EGFLAM: variants seen among roughly 807,000 people sequenced by gnomAD.
The protein encoded by EGFLAM is EGF like, fibronectin type III and laminin G domains.
In EGFLAM, 79 loss-of-function variants were observed where a neutral mutation model predicts 113.1. That is an observed-to-expected ratio of 0.70 (90% CI 0.58 to 0.84). EGFLAM has a LOEUF of 0.84. Among genes scored for constraint, EGFLAM ranks in the 40% least tolerant of loss-of-function variants. The pLI, the probability that EGFLAM is intolerant of heterozygous loss-of-function variation, is 0.00. For missense variants in EGFLAM, 1,265 were observed against 1,291.6 expected, an observed-to-expected ratio of 0.98 and a Z score of 0.32; for synonymous variants, 504 against 487.6, an observed-to-expected ratio of 1.03 and a Z score of -0.44.
chr5:38,277,529 T>G (rs1343851677), intron 1 of EGFLAM, among the ~76,000 whole-genome samples: 1 of 152,164 alleles, frequency 6.6e-6, no homozygotes, highest in East Asian at 1.9e-4. Flanking sequence ...TTCCCTACTC[T>G]TATTAAACAT....
intron 17 of EGFLAM, among the ~76,000 whole-genome samples, chr5:38,447,598 A>G (rs1439730178): frequency 1.3e-5 from 2 of 152,038 alleles, no homozygotes; most frequent in Non-Finnish European, 2.9e-5. Flanking sequence ...TCTACTAAAA[A>G]TACAAAAATT....
chr5:38,418,280 G>A, intron 12 of EGFLAM, 25 bp downstream of exon 12: 3 of 1,612,232 alleles, frequency 1.9e-6, no homozygotes, highest in Non-Finnish European at 2.5e-6. Flanking sequence ...GGTGGGTTGG[G>A]GTACTCTTAT....
intron 18 of EGFLAM, among the ~76,000 whole-genome samples, 177 bp from the exon 19 acceptor site, chr5:38,451,138 T>C (rs530718517): frequency 6.6e-6 from 1 of 152,310 alleles, no homozygotes; most frequent in Non-Finnish European, 1.5e-5. Flanking sequence ...AGACTGCTGC[T>C]GAGTGAGCAG....
At position 38,386,699 on chromosome 5, in the gene EGFLAM, G is replaced by A. The variant is rs891062903; in HGVS notation, c.712+16237G>A. 3.3e-5 allele frequency among the ~76,000 whole-genome samples: 5 copies of A among 152,104 alleles called. No homozygotes were observed. In the East Asian group the frequency reaches 7.7e-4, roughly 24 times the overall value. On this transcript the variant is annotated intron_variant, in intron 6 of 21. Transcript: ENST00000322350. ...TTTTTGTATTTTTAGTAGAGACGGG[G>A]TTTCACCGTGTTGGCCAGGATGGTC...
chr5:38,359,186 A>G (rs748625989), intron 5 of EGFLAM, among the ~76,000 whole-genome samples: 3 of 152,172 alleles, frequency 2.0e-5, no homozygotes, highest in Non-Finnish European at 4.4e-5. Context: ...GTTCCTCATC[A>G]CTGAAGTTCC....
chr5:38,343,338 G>A (rs988735769), intron 3 of EGFLAM, among the ~76,000 whole-genome samples: 5 of 151,188 alleles, frequency 3.3e-5, no homozygotes, highest in African/African-American at 7.3e-5. Flanking sequence ...CCCTGGAGGC[G>A]GAGGTTACAG....
intron 6 of EGFLAM, chr5:38,403,942 T>G: frequency 6.2e-7 from 1 of 1,613,096 alleles, no homozygotes. Context: ...GGTGGACTAC[T>G]TTAAATAAAA....
chr5:38,380,840 T>C (rs1740491256), intron 6 of EGFLAM, among the ~76,000 whole-genome samples: 1 of 152,208 alleles, frequency 6.6e-6, no homozygotes, highest in African/African-American at 2.4e-5. Flanking sequence ...TCTTACATTA[T>C]CATACATTTA....
At chr5:38,316,990 G>A (rs2589815) in intron 1 of EGFLAM, among the ~76,000 whole-genome samples, 3,706 of 152,178 alleles carry the variant, frequency 0.024, 182 homozygotes, top group African/African-American at 0.085. Context: ...GCTTGCTTCC[G>A]GCAATGTTCC....
chr5:38,350,430 CATGGA>C, intron 3 of EGFLAM, 66 bp from the exon 4 acceptor site: 1 of 1,463,222 alleles, frequency 6.8e-7, no homozygotes, highest in South Asian at 1.2e-5. Context: ...ATATAAACCT[CATGGA>C]AATTGTACAA....
intron 6 of EGFLAM, among the ~76,000 whole-genome samples, chr5:38,399,272 T>G (rs1460924826): frequency 6.9e-6 from 1 of 144,608 alleles, no homozygotes; most frequent in Non-Finnish European, 1.5e-5. Flanking sequence ...TTTATTTTTG[T>G]TTTCGTTTTT....
intron 6 of EGFLAM, among the ~76,000 whole-genome samples, chr5:38,380,041 A>G (rs7712450): frequency 0.15 from 23,424 of 152,226 alleles, 2,057 homozygotes; most frequent in African/African-American, 0.23. Context: ...ACATGGCTGT[A>G]TTCCAATAAA....
intron 1 of EGFLAM, among the ~76,000 whole-genome samples, chr5:38,327,088 G>A (rs541557652): frequency 1.2e-4 from 18 of 152,218 alleles, no homozygotes; most frequent in Admixed American, 8.5e-4. Flanking sequence ...GTGAGCCACC[G>A]CACCTGGCCA....
intron 6 of EGFLAM, 88 bp from the exon 7 acceptor site, chr5:38,406,038 T>TA: frequency 9.8e-7 from 1 of 1,015,238 alleles, no homozygotes. Flanking sequence ...TTCCATTCGG[T>TA]ACAGCTCTGC....
At chr5:38,311,643 T>A (rs1016671469) in intron 1 of EGFLAM, among the ~76,000 whole-genome samples, 2 of 152,192 alleles carry the variant, frequency 1.3e-5, no homozygotes, top group Non-Finnish European at 2.9e-5. Flanking sequence ...TTTTTGGCAA[T>A]AATGACAGCA....
chr5:38,455,587 A>G (rs1743060308), intron 19 of EGFLAM, among the ~76,000 whole-genome samples: 1 of 152,108 alleles, frequency 6.6e-6, no homozygotes, highest in Admixed American at 6.5e-5. Context: ...TTATGATTAT[A>G]TACACGAGGG....
chr5:38,387,477 A>T (rs1393559682), intron 6 of EGFLAM, among the ~76,000 whole-genome samples: 1 of 152,182 alleles, frequency 6.6e-6, no homozygotes, highest in Non-Finnish European at 1.5e-5. Flanking sequence ...AGTTCCAGGT[A>T]GTTGGTGTTT....
intron 14 of EGFLAM, among the ~76,000 whole-genome samples, chr5:38,427,787 C>T (rs1479016544): frequency 1.3e-5 from 2 of 152,162 alleles, no homozygotes; most frequent in African/African-American, 2.4e-5. Flanking sequence ...GAGACCCGTT[C>T]CCTAAGCAAT....
At chr5:38,313,698 T>C (rs1258121940) in intron 1 of EGFLAM, among the ~76,000 whole-genome samples, 1 of 152,224 alleles carries the variant, frequency 6.6e-6, no homozygotes, top group East Asian at 1.9e-4. Flanking sequence ...TTATTAGCAA[T>C]GGCCCTCAGG....
Sources: allele counts gnomAD v4.1 joint callset (sites outside exome capture counted in the v4.1 genomes callset), GRCh38; gene constraint gnomAD v4.1.1; transcripts MANE v1.5; gene names NCBI Gene and HGNC (gene_info 2026-07-23, HGNC 2026-07-21).